Variants in SCAI observed in about 807,000 individuals in gnomAD.
SCAI encodes the protein protein SCAI.
Under a neutral mutation model 92.2 loss-of-function variants are expected in SCAI, and 24 were observed. The ratio of observed to expected loss-of-function variants is 0.26; its 90% CI spans 0.19 to 0.37. The LOEUF (loss-of-function observed/expected upper bound fraction) is 0.37. Ranked by LOEUF, SCAI falls within the 10% of genes least tolerant of loss-of-function variation. The pLI is 1.00. For missense variants in SCAI, 450 were observed against 736.2 expected (o/e 0.61, Z 4.50); for synonymous variants, 261 against 258.6 (o/e 1.01, Z -0.09).
At chr9:125,001,875 G>A in intron 12 of SCAI, 90 bp downstream of exon 12, 1 of 871,526 alleles carries the variant, frequency 1.1e-6, no homozygotes. Context: ...TAGAAAGGCT[G>A]AGATGGTCTG....
chr9:124,972,422 G>A (rs1160888702), intron 15 of SCAI, among the ~76,000 whole-genome samples: 1 of 152,150 alleles, frequency 6.6e-6, no homozygotes, highest in Non-Finnish European at 1.5e-5. Context: ...GTGACTAGAT[G>A]AGTAAAATAC....
At chr9:125,049,903 G>A (rs1468082518) in intron 3 of SCAI, among the ~76,000 whole-genome samples, 2 of 152,126 alleles carry the variant, frequency 1.3e-5, no homozygotes, top group Non-Finnish European at 2.9e-5. Context: ...TGCTGTGTGT[G>A]CTACTTCTTC....
intron 2 of SCAI, among the ~76,000 whole-genome samples, chr9:125,132,952 G>A (rs1484867463): frequency 2.0e-5 from 3 of 151,974 alleles, no homozygotes; most frequent in African/African-American, 7.3e-5. Flanking sequence ...GCAACAGAGT[G>A]AGACTCCATC....
intron 2 of SCAI, among the ~76,000 whole-genome samples, chr9:125,130,035 A>T (rs969994414): frequency 9.3e-5 from 14 of 151,340 alleles, no homozygotes; most frequent in Non-Finnish European, 1.5e-4. Flanking sequence ...AGTAGCTGGG[A>T]TTATAGGCGC....
At chr9:125,011,380 A>G (rs1832635800) in intron 9 of SCAI, among the ~76,000 whole-genome samples, 1 of 152,276 alleles carries the variant, frequency 6.6e-6, no homozygotes, top group African/African-American at 2.4e-5. Context: ...GAACTACGTG[A>G]AGAATGCAGA....
intron 3 of SCAI, 46 bp from the exon 4 acceptor site, chr9:125,029,785 A>G: frequency 2.6e-6 from 3 of 1,134,576 alleles, no homozygotes; most frequent in Non-Finnish European, 3.8e-6. Context: ...TTCTTATTCT[A>G]TTTGGAAATT....
intron 2 of SCAI, among the ~76,000 whole-genome samples, chr9:125,108,937 A>C (rs985277488): frequency 2.6e-5 from 4 of 152,256 alleles, no homozygotes; most frequent in African/African-American, 7.2e-5. Context: ...TGTGGGGAAA[A>C]GATAGAGAAA....
chr9:124,993,187 C>T (rs1276870951), intron 14 of SCAI, among the ~76,000 whole-genome samples: 1 of 152,190 alleles, frequency 6.6e-6, no homozygotes, highest in Non-Finnish European at 1.5e-5. Flanking sequence ...ATGCCTGGAC[C>T]CCTCTGGCTT....
intron 6 of SCAI, among the ~76,000 whole-genome samples, chr9:125,024,500 C>T (rs1377845795): frequency 1.3e-5 from 2 of 152,164 alleles, no homozygotes; most frequent in Non-Finnish European, 2.9e-5. Context: ...TGGTCTCGAT[C>T]TCCTGACCTC....
chr9:125,040,656 T>C lies in SCAI; in HGVS notation c.231-10917A>G, dbSNP rs547561775. 3.1e-4 allele frequency among the ~76,000 whole-genome samples: 47 copies of C among 152,248 alleles called. No homozygotes were observed. The South Asian group carries it at 9.7e-3, about 32-fold the overall frequency. On this transcript the variant is annotated intron_variant, in intron 3 of 17. Coordinates refer to ENST00000336505, the MANE Select transcript of SCAI (RefSeq NM_001144877.3). Reference sequence around the variant, plus strand: ...TATTTATTTATTTAGAGACAGAGTCTCACTCTGTCACCCAGGTTGGAGTGC... The same window carrying C: ...TATTTATTTATTTAGAGACAGAGTCCCACTCTGTCACCCAGGTTGGAGTGC...
chr9:125,056,841 G>A (rs967720007), intron 2 of SCAI, among the ~76,000 whole-genome samples: 2 of 152,142 alleles, frequency 1.3e-5, no homozygotes, highest in Admixed American at 6.5e-5. Context: ...GTTTAAGAAG[G>A]TGAGGCAATG....
At chr9:125,029,506 G>C (rs1301025936) in intron 4 of SCAI, 138 bp downstream of exon 4, 14 of 490,826 alleles carry the variant, frequency 2.9e-5, no homozygotes, top group Non-Finnish European at 4.7e-5. Flanking sequence ...TATTTTAAAA[G>C]CACCAAGATT....
rs747661872 is a variant in SCAI at position 125,003,449 on chromosome 9, A to G, written c.963+20T>C. On this transcript the variant is annotated intron_variant, in intron 10 of 17. Transcript: ENST00000336505. The stretch of plus-strand genomic sequence containing the variant: ...CAGCCAGAGGGTTACCAAACTTGCA[A>G]ATGTAAAAGAGGAGATTACCTGCAT... 1 of 1,542,020 alleles carries G rather than the reference A, an allele frequency of 6.5e-7. No homozygotes were observed. The highest frequency in any genetic ancestry group is 1.1e-5 in the South Asian group (1 of 89,314).
At chr9:125,143,281 G>A in intron 1 of SCAI, 104 bp downstream of exon 1, 1 of 196,382 alleles carries the variant, frequency 5.1e-6, no homozygotes, top group South Asian at 1.8e-4. Context: ...CCGCCCCTCC[G>A]GTCTCTGCGC....
intron 2 of SCAI, among the ~76,000 whole-genome samples, chr9:125,137,790 T>C (rs1835571461): frequency 1.3e-5 from 2 of 152,098 alleles, no homozygotes; most frequent in Admixed American, 1.3e-4. Flanking sequence ...TTAGTAGAGA[T>C]GGGGTTTCGT....
At chr9:125,031,649 G>T (rs1161918300) in intron 3 of SCAI, among the ~76,000 whole-genome samples, 2 of 152,032 alleles carry the variant, frequency 1.3e-5, no homozygotes, top group Non-Finnish European at 2.9e-5. Context: ...TTCTAATTTT[G>T]TCAATAGCAT....
intron 17 of SCAI, among the ~76,000 whole-genome samples, chr9:124,960,394 C>A (rs1224302088): frequency 1.3e-5 from 2 of 152,120 alleles, no homozygotes; most frequent in East Asian, 3.9e-4. Flanking sequence ...CATGCCCTGG[C>A]CCGTAATAGC....
chr9:125,133,394 C>CA lies in SCAI; in HGVS notation c.98+9238dup, dbSNP rs538478858. On this transcript the variant is annotated intron_variant, in intron 2 of 17. Coordinates refer to ENST00000336505, the MANE Select transcript of SCAI (RefSeq NM_001144877.3). ...ATAAAGTGAGACTTCGTCTCAAAAA[C>CA]AAAAAAAAAAGATTTTGCTTTTTTA... 5.2e-4 allele frequency among the ~76,000 whole-genome samples: 76 copies of CA among 145,542 alleles called. No homozygotes were observed. In the East Asian group the frequency reaches 0.01, roughly 19 times the overall value.
intron 2 of SCAI, among the ~76,000 whole-genome samples, chr9:125,057,972 C>T (rs996759271): frequency 6.6e-6 from 1 of 151,888 alleles, no homozygotes; most frequent in Admixed American, 6.6e-5. Context: ...CAGGTGCCTA[C>T]TCAGCTACCT....
Sources: allele counts gnomAD v4.1 joint callset (sites outside exome capture counted in the v4.1 genomes callset), GRCh38; gene constraint gnomAD v4.1.1; transcripts MANE v1.5; gene names NCBI Gene and HGNC (gene_info 2026-07-23, HGNC 2026-07-21).